The following IL1R1 variants were observed in gnomAD, a reference collection of about 807,000 sequenced individuals.
IL1R1 encodes the protein interleukin-1 receptor type 1.
In IL1R1, 22 loss-of-function variants were observed where a neutral mutation model predicts 50.2. The ratio of observed to expected loss-of-function variants is 0.44; its 90% confidence interval spans 0.31 to 0.63. IL1R1 has a LOEUF of 0.63. Ranked by LOEUF, IL1R1 falls within the 20% of genes least tolerant of loss-of-function variation. The probability of loss-of-function intolerance (pLI) is 0.07; values close to 1 mark genes in which losing one functional copy is unlikely to be tolerated. For missense variants in IL1R1, 509 were observed against 676.2 expected, an observed-to-expected ratio of 0.75 and a Z score of 2.74; for synonymous variants, 251 against 236.7, an observed-to-expected ratio of 1.06 and a Z score of -0.55.
Position 102,178,762 on chromosome 2 carries a change from G to A in IL1R1, c.*2003G>A, listed in dbSNP as rs1686349298. ...TACTTTCATCTATTCTTTCCCTAGA[G>A]GCAAACATTTCTTAAAATGTTTCAT... On this transcript the variant is annotated 3_prime_UTR_variant, in exon 12 of 12. Coordinates refer to ENST00000410023, the MANE Select transcript of IL1R1 (RefSeq NM_000877.4). 6.6e-6 allele frequency: 1 copy of A among 152,194 alleles called. No individual in the cohort carries two copies. The highest frequency in any genetic ancestry group is 1.5e-5 in the Non-Finnish European group (1 of 68,004). 9.4% of individuals were successfully genotyped at this position (152,194 alleles called of 1,614,324 possible). A position where few individuals can be genotyped will look rare whatever the true frequency, so the allele number is the denominator to read the frequency against.
chr2:102,165,121 A>C lies in IL1R1; in HGVS notation c.303A>C (p.Ser101=). 6.4e-7 allele frequency: 1 copy of C among 1,569,536 alleles called. No homozygotes were observed. The highest frequency in any genetic ancestry group is 1.2e-5 in the South Asian group (1 of 84,234). ...SGHYYCVVRN[S]SYCLRIKISA... ...CTATTTTATTTTATTTTAGAAATTCATCTTACTGCCTCAGAATTAAAATAA... is the reference window on the plus strand; with the variant it reads ...CTATTTTATTTTATTTTAGAAATTCCTCTTACTGCCTCAGAATTAAAATAA... Residue 101 remains serine (S), a synonymous_variant, in exon 5 of 12, where the codon TCA becomes TCC. Coordinates refer to ENST00000410023, the MANE Select transcript of IL1R1 (RefSeq NM_000877.4).
upstream of IL1R1, among the ~76,000 whole-genome samples, chr2:102,102,638 C>T (rs1161313959): frequency 4.6e-5 from 7 of 152,058 alleles, no homozygotes; most frequent in Non-Finnish European, 1.5e-5. Context: ...TACCATTTGA[C>T]TCAGCCATCC....
intron 1 of IL1R1, among the ~76,000 whole-genome samples, chr2:102,076,151 T>C (rs1237857215): frequency 1.3e-5 from 2 of 151,346 alleles, no homozygotes; most frequent in Non-Finnish European, 2.9e-5. Context: ...TATGTACCCA[T>C]GTAGTTACCA....
chr2:102,125,867 A>G (rs1681684422), intron 1 of IL1R1, among the ~76,000 whole-genome samples: 1 of 152,212 alleles, frequency 6.6e-6, no homozygotes. Context: ...GGAATTTGAA[A>G]TGGTTCTTCC....
At chr2:102,086,881 T>C (rs1041340239) in intron 1 of IL1R1, among the ~76,000 whole-genome samples, 4 of 152,222 alleles carry the variant, frequency 2.6e-5, no homozygotes, top group African/African-American at 9.6e-5. Context: ...GTGACCTACA[T>C]TTTTGAAGCC....
intron 3 of IL1R1, among the ~76,000 whole-genome samples, chr2:102,161,533 G>A (rs1684726682): frequency 6.6e-6 from 1 of 152,124 alleles, no homozygotes; most frequent in African/African-American, 2.4e-5. Flanking sequence ...GTCCTTGTGA[G>A]TGGGGTTTCT....
intron 1 of IL1R1, among the ~76,000 whole-genome samples, chr2:102,122,301 T>G (rs1227186426): frequency 1.3e-5 from 2 of 152,154 alleles, no homozygotes; most frequent in Non-Finnish European, 2.9e-5. Flanking sequence ...GAGAACATAA[T>G]GAGTGTGAGA....
intron 1 of IL1R1, among the ~76,000 whole-genome samples, chr2:102,124,438 C>A (rs559912010): frequency 2.7e-5 from 4 of 147,804 alleles, no homozygotes; most frequent in African/African-American, 5.0e-5. Flanking sequence ...CACTGCCCCC[C>A]CAAAAAAGAA....
intron 1 of IL1R1, among the ~76,000 whole-genome samples, chr2:102,106,534 A>G (rs981778540): frequency 6.6e-6 from 1 of 152,208 alleles, no homozygotes; most frequent in Non-Finnish European, 1.5e-5. Context: ...TAGCGAGGGT[A>G]TACTTCTAAA....
chr2:102,151,316 T>A (rs1264732179), intron 1 of IL1R1, among the ~76,000 whole-genome samples: 1 of 152,066 alleles, frequency 6.6e-6, no homozygotes, highest in Non-Finnish European at 1.5e-5. Context: ...TCCCTTGCAA[T>A]CCTATTCTCT....
intron 1 of IL1R1, among the ~76,000 whole-genome samples, chr2:102,146,595 G>T (rs1683144315): frequency 6.6e-6 from 1 of 152,188 alleles, no homozygotes. Flanking sequence ...TTAAGGTCTT[G>T]ATGGTAGCCA....
intron 1 of IL1R1, among the ~76,000 whole-genome samples, chr2:102,081,532 C>A (rs1302314994): frequency 1.3e-5 from 2 of 152,176 alleles, no homozygotes; most frequent in Non-Finnish European, 2.9e-5. Context: ...ACTAACTGTA[C>A]AAGGGACAGG....
At chr2:102,168,572 A>C in intron 6 of IL1R1, 26 bp from the exon 7 acceptor site, 1 of 1,597,402 alleles carries the variant, frequency 6.3e-7, no homozygotes, top group Non-Finnish European at 8.6e-7. Context: ...AGAGACTGAC[A>C]AACCTTATGG....
At chr2:102,096,497 T>C (rs1314234973) in intron 1 of IL1R1, among the ~76,000 whole-genome samples, 3 of 152,212 alleles carry the variant, frequency 2.0e-5, no homozygotes, top group African/African-American at 7.2e-5. Flanking sequence ...TTTAGTTTAT[T>C]GGCCTTTCAG....
At chr2:102,136,921 G>A (rs185476168) in intron 1 of IL1R1, among the ~76,000 whole-genome samples, 2 of 152,258 alleles carry the variant, frequency 1.3e-5, no homozygotes, top group Admixed American at 6.5e-5. Context: ...CATGGGCTCT[G>A]TTAGTTCCCA....
chr2:102,076,119 T>G (rs2104275632), intron 1 of IL1R1, among the ~76,000 whole-genome samples: 1 of 152,352 alleles, frequency 6.6e-6, no homozygotes, highest in African/African-American at 2.4e-5. Flanking sequence ...TGAAATGTTT[T>G]AATTAATAAA....
chr2:102,109,714 G>A (rs985658479), intron 1 of IL1R1, among the ~76,000 whole-genome samples: 4 of 152,128 alleles, frequency 2.6e-5, no homozygotes, highest in African/African-American at 9.7e-5. Context: ...TCCCTGGCAG[G>A]ACCATCCAAT....
chr2:102,176,937 G>T lies in IL1R1; in HGVS notation c.*178G>T. 1.6e-6 allele frequency: 1 copy of T among 639,280 alleles called. No homozygotes were observed. 39.6% of individuals were successfully genotyped at this position (639,280 alleles called of 1,614,324 possible). On this transcript the variant is annotated 3_prime_UTR_variant, in exon 12 of 12. Transcript: ENST00000410023. Reference sequence around the variant, plus strand: ...AGCCATGACGTCAATAGCAGCCCAGGGCACTTCAGAGTAGAGGGCTTGGGA... The same window carrying T: ...AGCCATGACGTCAATAGCAGCCCAGTGCACTTCAGAGTAGAGGGCTTGGGA...
intron 1 of IL1R1, among the ~76,000 whole-genome samples, chr2:102,073,224 C>T (rs986074032): frequency 1.3e-5 from 2 of 152,162 alleles, no homozygotes; most frequent in African/African-American, 2.4e-5. Flanking sequence ...TTCAGGGCAT[C>T]ATTCTGGGGA....
Sources: gnomAD v4.1 joint callset for allele counts (sites outside exome capture counted in the v4.1 genomes callset) on GRCh38, gnomAD v4.1.1 for gene constraint, MANE v1.5 for transcripts, NCBI Gene and HGNC (gene_info 2026-07-23, HGNC 2026-07-21) for gene names.